EIF2AK1: variants seen among roughly 807,000 people sequenced by gnomAD.
EIF2AK1 encodes the protein eukaryotic translation initiation factor 2 alpha kinase 1.
A neutral mutation model predicts 77.9 loss-of-function variants in EIF2AK1; 54 were observed. That is an observed-to-expected ratio of 0.69 (90% confidence interval 0.56 to 0.87). The LOEUF is 0.87. Among genes scored for constraint, EIF2AK1 ranks in the 40% least tolerant of loss-of-function variants. The pLI is 0.00. For synonymous variants in EIF2AK1, 314 were observed against 290.5 expected (o/e 1.08, Z -0.82); for missense variants, 810 against 768.6 (o/e 1.05, Z -0.64).
At chr7:6,039,593 C>G (rs1297744659) in intron 9 of EIF2AK1, among the ~76,000 whole-genome samples, 1 of 140,654 alleles carries the variant, frequency 7.1e-6, no homozygotes, top group Non-Finnish European at 1.5e-5. Flanking sequence ...TGCACTCCAG[C>G]CTGGGTGACA....
chr7:6,040,884 T>C lies in EIF2AK1; in HGVS notation c.1119+8A>G. 1 of 1,611,804 alleles carries C rather than the reference T, an allele frequency of 6.2e-7. No individual in the cohort carries two copies. The highest frequency in any genetic ancestry group is 8.5e-7 in the Non-Finnish European group (1 of 1,178,108). On this transcript the variant is annotated splice_region_variant and intron_variant, in intron 9 of 14. Coordinates refer to ENST00000199389, the MANE Select transcript of EIF2AK1 (RefSeq NM_014413.4). ...GCCAAATTAGGAGGGTCTGGGAAAG[T>C]AATCTACCTCTGTCTGACCCAAAAA... is the stretch of plus-strand genomic sequence containing the variant.
At chr7:6,031,355 CT>C (rs1787906221) in intron 11 of EIF2AK1, 4 of 1,546,660 alleles carry the variant, frequency 2.6e-6, no homozygotes, top group Non-Finnish European at 3.5e-6. Flanking sequence ...ACATTTTCCC[CT>C]GAAGTCTTAA....
Position 6,035,634 on chromosome 7 carries a change from C to T in EIF2AK1, c.1332+1790G>A, listed in dbSNP as rs1245765105. 6.4e-6 allele frequency: 10 copies of T among 1,550,744 alleles called. No homozygotes were observed. The East Asian group carries it at 7.3e-5, about 11-fold the overall frequency. On this transcript the variant is annotated intron_variant, in intron 11 of 14. Transcript: ENST00000199389. This position sits in a 1 kb window ranked among gnomAD's most constrained non-coding sequence, Gnocchi z 5.5. ...CACTCAAGGGGAAATCAGCAACAAA[C>T]GTTCACCACTCCACCTGGCCATAGC... is the stretch of plus-strand genomic sequence containing the variant.
chr7:6,041,920 G>A (rs1466998036), intron 8 of EIF2AK1, among the ~76,000 whole-genome samples: 1 of 150,908 alleles, frequency 6.6e-6, no homozygotes, highest in Non-Finnish European at 1.5e-5. Context: ...AAACCAAGGC[G>A]GGAGGATTGC....
At chr7:6,031,671 C>T (rs1787917248) in intron 11 of EIF2AK1, 12 of 1,371,378 alleles carry the variant, frequency 8.8e-6, no homozygotes, top group Non-Finnish European at 1.1e-5. Context: ...CTGGTGAACC[C>T]ACTAAGCTCA....
chr7:6,038,884 G>A (rs1788185965), intron 9 of EIF2AK1, among the ~76,000 whole-genome samples: 1 of 152,236 alleles, frequency 6.6e-6, no homozygotes, highest in Middle Eastern at 3.4e-3. Flanking sequence ...TGACAGATAA[G>A]GAGACTGATA....
At chr7:6,053,036 G>A (rs1045019217) in intron 2 of EIF2AK1, among the ~76,000 whole-genome samples, 13 of 152,188 alleles carry the variant, frequency 8.5e-5, no homozygotes, top group African/African-American at 2.9e-4. Flanking sequence ...TCAATTTTAT[G>A]CAATTATGGG....
chr7:6,032,861 T>C lies in EIF2AK1; in HGVS notation c.1333-3829A>G. ...AAGCCGACAGAGTCTATCATCCCCA[T>C]CCATCTGGCTGCCAAGTACCACAAG... is the stretch of plus-strand genomic sequence containing the variant. On this transcript the variant is annotated intron_variant, in intron 11 of 14. Coordinates refer to ENST00000199389, the MANE Select transcript of EIF2AK1 (RefSeq NM_014413.4). This position sits in a 1 kb window ranked among gnomAD's most constrained non-coding sequence, Gnocchi z 4.3. 1.9e-6 allele frequency: 3 copies of C among 1,551,020 alleles called. No homozygotes were observed. Among genetic ancestry groups the C allele is most frequent in the Non-Finnish European group, 2.6e-6 (3 of 1,146,978 alleles).
chr7:6,046,118 T>C lies in EIF2AK1; in HGVS notation c.583A>G (p.Ile195Val). ...RNKLDGQYYA[I>V]KKILIKGATK... ...GCACCCTTAATCAGGATTTTTTTTA[T>C]TGCATAATACTGACCATCTAATTTA... is the stretch of plus-strand genomic sequence containing the variant. The change falls in exon 6 of 15, where the codon ATA becomes GTA. Residue 195 changes from isoleucine (I) to valine (V), a missense_variant. Transcript: ENST00000199389. 6.4e-7 allele frequency: 1 copy of C among 1,574,086 alleles called. No individual in the cohort carries two copies.
Sources: gnomAD v4.1 joint callset for allele counts (sites outside exome capture counted in the v4.1 genomes callset) on GRCh38, gnomAD v4.1.1 for gene constraint, Gnocchi (gnomAD v3.1) non-coding constraint, MANE v1.5 for transcripts, NCBI Gene and HGNC (gene_info 2026-07-23, HGNC 2026-07-21) for gene names.